MAGI1: variants seen among roughly 807,000 people sequenced by gnomAD.
MAGI1 encodes the protein membrane associated guanylate kinase, WW and PDZ domain containing 1, also known as membrane-associated guanylate kinase, WW and PDZ domain-containing protein 1.
In MAGI1, 58 loss-of-function variants were observed where a neutral mutation model predicts 139.9. The observed-to-expected ratio is 0.41, with a 90% CI of 0.34 to 0.52. The LOEUF (loss-of-function observed/expected upper bound fraction) is 0.52, where lower values mean the gene tolerates loss of function less well. Among genes scored for constraint, MAGI1 ranks in the 20% least tolerant of loss-of-function variants. The pLI is 0.12. For synonymous variants in MAGI1, 812 were observed against 737.9 expected, an observed-to-expected ratio of 1.10 and a Z score of -1.63; for missense variants, 1,874 against 1,901.6, an observed-to-expected ratio of 0.99 and a Z score of 0.27.
chr3:65,795,371 C>T (rs896652028), intron 1 of MAGI1, among the ~76,000 whole-genome samples: 8 of 152,124 alleles, frequency 5.3e-5, no homozygotes, highest in Non-Finnish European at 7.3e-5. Flanking sequence ...AAATGAACTG[C>T]TGATACACAC....
chr3:65,793,734 T>C (rs1320748826), intron 1 of MAGI1, among the ~76,000 whole-genome samples: 1 of 152,248 alleles, frequency 6.6e-6, no homozygotes, highest in African/African-American at 2.4e-5. Context: ...CAGGACAGTC[T>C]GTCCACTAGT....
intron 13 of MAGI1, 40 bp from the exon 14 acceptor site, chr3:65,391,398 ATTATTGG>A (rs1943911897): frequency 6.4e-7 from 1 of 1,553,244 alleles, no homozygotes; most frequent in Non-Finnish European, 8.9e-7. Context: ...AGAAAAGATT[ATTATTGG>A]TTCTCTGAAT....
chr3:65,782,562 T>C lies in MAGI1; in HGVS notation c.314-160474A>G, dbSNP rs1020671337. ...ACTGAGTTATTGTTCCTAACCCTTC[T>C]GGACCAAAGGAGAATAAAAACTATT... On this transcript the variant is annotated intron_variant, in intron 1 of 22. Transcript: ENST00000402939. 7.1e-5 allele frequency among the ~76,000 whole-genome samples: 10 copies of C among 140,638 alleles called. No homozygotes were observed. In the East Asian group the frequency reaches 1.0e-3, roughly 15 times the overall value. The allele number at this position is 140,638 out of a possible 152,430, so 92.3% of individuals were successfully genotyped here. A position where few individuals can be genotyped will look rare whatever the true frequency, so the allele number is the denominator to read the frequency against.
chr3:65,853,399 G>C (rs898658530), intron 1 of MAGI1, among the ~76,000 whole-genome samples: 2 of 152,186 alleles, frequency 1.3e-5, no homozygotes, highest in Admixed American at 6.5e-5. Context: ...GTAGGGCAAA[G>C]ATAAGATCTT....
chr3:65,444,680 A>G lies in MAGI1; in HGVS notation c.1079-1831T>C, dbSNP rs79205645. On this transcript the variant is annotated intron_variant, in intron 7 of 22. Transcript: ENST00000402939. ...TAAGCAGAAAATTCAGCCACGTGGT[A>G]TGTGCTTTGATGGAGGGCCGAGGAG... 3.5e-3 allele frequency among the ~76,000 whole-genome samples: 530 copies of G among 152,204 alleles called. 3 individuals carry two copies. Among genetic ancestry groups the G allele is most frequent in the African/African-American group, 0.012 (493 of 41,542 alleles).
intron 1 of MAGI1, among the ~76,000 whole-genome samples, chr3:65,941,984 G>A (rs1399800718): frequency 6.6e-6 from 1 of 152,034 alleles, no homozygotes; most frequent in Non-Finnish European, 1.5e-5. Context: ...CAGGGGTTTC[G>A]CCGTGTTGCC....
In MAGI1 at chr3:65,478,664, G is replaced by C. The variant is rs1388058351; in HGVS notation, c.685C>G (p.Gln229Glu). Residue 229 changes from glutamine (Q) to glutamate (E), a missense_variant, in exon 4 of 23, where the codon CAA (glutamine) becomes GAA (glutamate). Gln to Glu is a conservative substitution (Grantham distance 29). Around this residue, in one of 5 missense-constraint regions of MAGI1, gnomAD observed 648 missense variants for 598.1 expected, o/e 1.08. Transcript: ENST00000402939. ...PKRTKSYNDM[Q>E]NAGIVHAENE... Reference sequence around the variant, plus strand: ...TCCGCGTGGACTATGCCAGCATTTTGCATATCATTGTAGGACTTGGTTCGC... The same window carrying C: ...TCCGCGTGGACTATGCCAGCATTTTCCATATCATTGTAGGACTTGGTTCGC... 7 of 1,614,042 alleles carry C rather than the reference G, an allele frequency of 4.3e-6. No individual in the cohort carries two copies. The highest frequency in any genetic ancestry group is 5.9e-6 in the Non-Finnish European group (7 of 1,179,982).
At chr3:65,817,977 T>A (rs1005320827) in intron 1 of MAGI1, among the ~76,000 whole-genome samples, 2 of 152,234 alleles carry the variant, frequency 1.3e-5, no homozygotes, top group Non-Finnish European at 2.9e-5. Context: ...CCATTCTAGT[T>A]ACACAGGGAA....
chr3:65,378,833 T>C (rs968924862), intron 17 of MAGI1, among the ~76,000 whole-genome samples: 2 of 152,020 alleles, frequency 1.3e-5, no homozygotes, highest in African/African-American at 4.8e-5. Context: ...AGGCATGCAC[T>C]ACCACGCCCA....
At chr3:65,560,510 T>A (rs1417695739) in intron 2 of MAGI1, among the ~76,000 whole-genome samples, 1 of 152,212 alleles carries the variant, frequency 6.6e-6, no homozygotes, top group Non-Finnish European at 1.5e-5. Flanking sequence ...AAGGAGAAAC[T>A]ATAACTGCTA....
At chr3:65,621,905 C>A (rs1488520358) in intron 2 of MAGI1, 67 bp downstream of exon 2, 8 of 1,110,396 alleles carry the variant, frequency 7.2e-6, no homozygotes, top group African/African-American at 3.7e-5. Context: ...TCTCCTTTCT[C>A]CCCTGGACTT....
intron 1 of MAGI1, among the ~76,000 whole-genome samples, chr3:65,633,306 C>T (rs948309657): frequency 6.6e-6 from 1 of 152,138 alleles, no homozygotes; most frequent in Non-Finnish European, 1.5e-5. Context: ...GGAAGCTATT[C>T]CCCGAGTGGT....
intron 1 of MAGI1, among the ~76,000 whole-genome samples, chr3:65,988,647 G>A (rs1156861725): frequency 6.6e-6 from 1 of 152,134 alleles, no homozygotes; most frequent in East Asian, 1.9e-4. Context: ...GTTGTAATTA[G>A]CAGCTGTTGT....
intron 14 of MAGI1, among the ~76,000 whole-genome samples, chr3:65,385,477 T>C (rs1943374986): frequency 6.6e-6 from 1 of 152,226 alleles, no homozygotes; most frequent in Admixed American, 6.5e-5. Context: ...TTAATTCTTT[T>C]CTTCTCCAGT....
chr3:65,910,206 T>C (rs2061601118), intron 1 of MAGI1, among the ~76,000 whole-genome samples: 1 of 152,188 alleles, frequency 6.6e-6, no homozygotes, highest in African/African-American at 2.4e-5. Context: ...TAACTGAATA[T>C]AAAACAATAA....
chr3:65,884,898 C>G (rs899185761), intron 1 of MAGI1, among the ~76,000 whole-genome samples: 2 of 152,006 alleles, frequency 1.3e-5, no homozygotes, highest in Admixed American at 1.3e-4. Flanking sequence ...TGATATGTAC[C>G]AAAACCTAAA....
At chr3:65,971,383 T>A (rs2065007572) in intron 1 of MAGI1, among the ~76,000 whole-genome samples, 2 of 152,122 alleles carry the variant, frequency 1.3e-5, no homozygotes, top group Non-Finnish European at 2.9e-5. Flanking sequence ...CTGGCACCTC[T>A]CATAACCCAT....
At chr3:65,443,414 T>C (rs1238833787) in intron 7 of MAGI1, among the ~76,000 whole-genome samples, 1 of 152,232 alleles carries the variant, frequency 6.6e-6, no homozygotes, top group Non-Finnish European at 1.5e-5. Flanking sequence ...ACTTAACCTG[T>C]GAAAGCAGTA....
rs60543879 is a variant in MAGI1, at chr3:65,754,221, T to C, written c.314-132133A>G. On this transcript the variant is annotated intron_variant, in intron 1 of 22. Coordinates refer to ENST00000402939, the MANE Select transcript of MAGI1 (RefSeq NM_001033057.2). The stretch of plus-strand genomic sequence containing the variant: ...TTATCACTGAGAGACAGAATTTTGA[T>C]TACCGCAACAAAGAATCAAGCAAAT... Among the ~76,000 whole-genome samples the C allele has an allele frequency of 5.6e-3, 854 of 152,228 alleles. 9 individuals are homozygous for C. The highest frequency in any genetic ancestry group is 0.02 in the African/African-American group (814 of 41,558).
Sources: allele counts gnomAD v4.1 joint callset (sites outside exome capture counted in the v4.1 genomes callset), GRCh38; gene constraint gnomAD v4.1.1; regional missense constraint gnomAD v4.1.1; transcripts MANE v1.5; gene names NCBI Gene and HGNC (gene_info 2026-07-23, HGNC 2026-07-21).